MINDY4B: variants seen among roughly 807,000 people sequenced by gnomAD.
The protein encoded by MINDY4B is MINDY family member 4B, also known as inactive ubiquitin carboxyl-terminal hydrolase MINDY-4B.
A neutral mutation model predicts 16.7 loss-of-function variants in MINDY4B; 25 were observed. The observed-to-expected ratio is 1.49, with a 90% CI of 1.09 to 2.09. The LOEUF (loss-of-function observed/expected upper bound fraction) is 2.09, where lower values mean the gene tolerates loss of function less well. MINDY4B is among the 30% of genes most tolerant of loss of function. The pLI is 0.00. For synonymous variants in MINDY4B, 132 were observed against 61.9 expected (o/e 2.13, Z -5.32); for missense variants, 327 against 168.4 (o/e 1.94, Z -5.21).
At chr3:150,872,912 G>C (rs1007560451) in intron 11 of MINDY4B, among the ~76,000 whole-genome samples, 2 of 152,114 alleles carry the variant, frequency 1.3e-5, no homozygotes, top group Non-Finnish European at 2.9e-5. Flanking sequence ...TGGAAATTTG[G>C]CTCCATAACT....
intron 3 of MINDY4B, among the ~76,000 whole-genome samples, chr3:150,897,742 A>C (rs1712015833): frequency 6.6e-6 from 1 of 152,208 alleles, no homozygotes; most frequent in African/African-American, 2.4e-5. Flanking sequence ...CAGGGTGAGC[A>C]AGGACCCACT....
rs1179575760 is a variant in MINDY4B, at chr3:150,873,186, C to T, written c.1240+1G>A. On this transcript the variant is annotated splice_donor_variant, in intron 11 of 11. Transcript: ENST00000465419. LOFTEE classifies it high-confidence loss of function. Reference sequence around the variant, plus strand: ...CAACACCTGGAGTCTGAAATGCTCACCTATTGTAAGACGCACAAGCTTTTT... The same window carrying T: ...CAACACCTGGAGTCTGAAATGCTCATCTATTGTAAGACGCACAAGCTTTTT... 1 of 702,364 alleles carries T rather than the reference C, an allele frequency of 1.4e-6. No individual in the cohort carries two copies. Among genetic ancestry groups the T allele is most frequent in the Admixed American group, 2.0e-5 (1 of 49,904 alleles). 43.5% of individuals were successfully genotyped at this position (702,364 alleles called of 1,614,324 possible).
chr3:150,872,773 T>C (rs1211152061), intron 11 of MINDY4B, among the ~76,000 whole-genome samples: 1 of 152,214 alleles, frequency 6.6e-6, no homozygotes, highest in Non-Finnish European at 1.5e-5. Context: ...GTTACTTATG[T>C]CACTGGATGA....
intron 7 of MINDY4B, among the ~76,000 whole-genome samples, chr3:150,888,781 TTGAC>T (rs1043986368): frequency 2.0e-5 from 3 of 152,152 alleles, no homozygotes; most frequent in African/African-American, 7.2e-5. Flanking sequence ...CCCTTAGTCT[TTGAC>T]TGGGGAAGCC....
intron 5 of MINDY4B, among the ~76,000 whole-genome samples, chr3:150,891,556 G>A (rs950241406): frequency 6.6e-6 from 1 of 152,124 alleles, no homozygotes; most frequent in African/African-American, 2.4e-5. Flanking sequence ...GAGGTCAGGA[G>A]TTCAAGACCA....
At chr3:150,893,703 G>A (rs562645060) in intron 4 of MINDY4B, among the ~76,000 whole-genome samples, 1 of 93,800 alleles carries the variant, frequency 1.1e-5, no homozygotes, top group Admixed American at 1.2e-4. Context: ...TTTTGGGGGG[G>A]GGGGTGGGGT....
At chr3:150,902,431 G>A (rs1349539603) in intron 3 of MINDY4B, among the ~76,000 whole-genome samples, 1 of 152,174 alleles carries the variant, frequency 6.6e-6, no homozygotes, top group African/African-American at 2.4e-5. Context: ...ATGATTTCAA[G>A]GGCTACACTG....
intron 6 of MINDY4B, 177 bp from the exon 7 acceptor site, chr3:150,890,562 T>A: frequency 2.1e-6 from 1 of 486,788 alleles, no homozygotes; most frequent in East Asian, 3.0e-5. Context: ...TGCAACTGGG[T>A]AGCTACCAGC....
At chr3:150,884,312 G>T (rs1711572922) in intron 8 of MINDY4B, among the ~76,000 whole-genome samples, 1 of 152,180 alleles carries the variant, frequency 6.6e-6, no homozygotes, top group Non-Finnish European at 1.5e-5. Context: ...AGGGGGAATT[G>T]CCGCATACTA....
At chr3:150,893,224 T>C in intron 5 of MINDY4B, 100 bp downstream of exon 5, 2 of 678,154 alleles carry the variant, frequency 2.9e-6, no homozygotes, top group Non-Finnish European at 5.4e-6. Context: ...AGGAGGTAGA[T>C]TTCCTTTCTG....
intron 1 of MINDY4B, 97 bp from the exon 2 acceptor site, chr3:150,905,186 T>TA (rs1712210850): frequency 1.3e-5 from 5 of 398,312 alleles, no homozygotes; most frequent in African/African-American, 2.1e-5. Flanking sequence ...GGGAAGTCTC[T>TA]GTCCACGAAT....
chr3:150,882,078 C>T (rs935468738), intron 10 of MINDY4B, among the ~76,000 whole-genome samples: 1 of 152,132 alleles, frequency 6.6e-6, no homozygotes, highest in Non-Finnish European at 1.5e-5. Context: ...GGTTTACATC[C>T]TCCATCAAAT....
At chr3:150,897,962 C>T (rs1712020486) in intron 3 of MINDY4B, among the ~76,000 whole-genome samples, 1 of 152,162 alleles carries the variant, frequency 6.6e-6, no homozygotes, top group African/African-American at 2.4e-5. Flanking sequence ...AAAGACTGCT[C>T]CCAACTCAAG....
At chr3:150,895,266 C>A (rs192095873) in intron 3 of MINDY4B, among the ~76,000 whole-genome samples, 1 of 152,098 alleles carries the variant, frequency 6.6e-6, no homozygotes, top group East Asian at 1.9e-4. Flanking sequence ...TAACACCTGC[C>A]CTACTTTAAT....
At chr3:150,874,512 T>G (rs1717046484) in intron 10 of MINDY4B, among the ~76,000 whole-genome samples, 2 of 146,258 alleles carry the variant, frequency 1.4e-5, no homozygotes, top group Non-Finnish European at 3.0e-5. Context: ...TTTTAAAAAT[T>G]TGTTAAATTT....
At chr3:150,882,846 G>A in intron 10 of MINDY4B, 51 bp downstream of exon 10, 5 of 661,424 alleles carry the variant, frequency 7.6e-6, no homozygotes, top group Non-Finnish European at 1.4e-5. Flanking sequence ...CTTTTAAACT[G>A]TTAAAATATT....
At chr3:150,879,837 C>A (rs775872612) in intron 10 of MINDY4B, among the ~76,000 whole-genome samples, 1 of 152,200 alleles carries the variant, frequency 6.6e-6, no homozygotes, top group Non-Finnish European at 1.5e-5. Context: ...TCACTGCTCT[C>A]TAGCATTTAT....
chr3:150,900,835 C>T (rs946712863), intron 3 of MINDY4B, among the ~76,000 whole-genome samples: 1 of 152,104 alleles, frequency 6.6e-6, no homozygotes, highest in Non-Finnish European at 1.5e-5. Context: ...TTTCTCGCCT[C>T]CCCAGTACAG....
intron 6 of MINDY4B, 197 bp downstream of exon 6, chr3:150,890,741 T>C (rs1711778269): frequency 7.5e-6 from 4 of 530,358 alleles, no homozygotes; most frequent in African/African-American, 3.7e-5. Context: ...GTGAATTCCA[T>C]AGCAGGAATT....
Sources: gnomAD v4.1 joint callset for allele counts (sites outside exome capture counted in the v4.1 genomes callset) on GRCh38, gnomAD v4.1.1 for gene constraint, MANE v1.5 for transcripts, NCBI Gene and HGNC (gene_info 2026-07-23, HGNC 2026-07-21) for gene names.